The following MIS18BP1 variants were observed in gnomAD, a reference collection of about 807,000 sequenced individuals.
The protein encoded by MIS18BP1 is mis18-binding protein 1.
In MIS18BP1, 72 loss-of-function variants were observed where a neutral mutation model predicts 116.1. The ratio of observed to expected loss-of-function variants is 0.62; its 90% CI spans 0.51 to 0.75. MIS18BP1 has a LOEUF of 0.75. MIS18BP1 is among the 30% of genes least tolerant of loss of function. MIS18BP1 has a pLI of 0.00. For synonymous variants in MIS18BP1, 386 were observed against 427.0 expected, an observed-to-expected ratio of 0.90 and a Z score of 1.18; for missense variants, 1,363 against 1,303.2, an observed-to-expected ratio of 1.05 and a Z score of -0.71.
chr14:45,235,759 C>T, intron 6 of MIS18BP1, 55 bp downstream of exon 6: 1 of 1,466,058 alleles, frequency 6.8e-7, no homozygotes, highest in Admixed American at 2.3e-5. Context: ...CTGTGAGAAA[C>T]ATGGTTAACT....
intron 11 of MIS18BP1, among the ~76,000 whole-genome samples, chr14:45,222,524 G>A (rs1480121773): frequency 6.6e-6 from 1 of 152,194 alleles, no homozygotes; most frequent in Admixed American, 6.5e-5. Context: ...CAAGCTATAC[G>A]TTCAGTCTAC....
chr14:45,249,737 G>C (rs1322582184), intron 1 of MIS18BP1, among the ~76,000 whole-genome samples: 1 of 152,122 alleles, frequency 6.6e-6, no homozygotes, highest in Non-Finnish European at 1.5e-5. Flanking sequence ...CGGATGTGGT[G>C]GCACATGCCT....
intron 4 of MIS18BP1, 47 bp from the exon 5 acceptor site, chr14:45,237,768 C>T (rs1451834339): frequency 1.3e-6 from 2 of 1,538,728 alleles, no homozygotes; most frequent in East Asian, 2.4e-5. Context: ...TTACTTGCAG[C>T]ACAAGCATTA....
Position 45,227,733 on chromosome 14 carries a change from G to A in MIS18BP1, c.1676C>T (p.Thr559Ile). 1 of 1,613,712 alleles carries A rather than the reference G, an allele frequency of 6.2e-7. No homozygotes were observed. The highest frequency in any genetic ancestry group is 8.5e-7 in the Non-Finnish European group (1 of 1,179,682). ...MCHSNCQNKPTLRFPDDQVNN... is the reference protein window; with the variant it reads ...MCHSNCQNKPILRFPDDQVNN... ...TACTTGGTCATCTGGGAACCTTAAT[G>A]TTGGTTTATTTTGGCAATTACTGTG... The change falls in exon 9 of 17, where the codon ACA becomes ATA. Residue 559 changes from threonine (T) to isoleucine (I), a missense_variant. Physicochemically the swap from Thr to Ile is moderately conservative, Grantham distance 89. Coordinates refer to ENST00000310806, the MANE Select transcript of MIS18BP1 (RefSeq NM_018353.5).
chr14:45,236,136 A>C (rs957443299), intron 5 of MIS18BP1, among the ~76,000 whole-genome samples, 192 bp from the exon 6 acceptor site: 9 of 152,234 alleles, frequency 5.9e-5, no homozygotes, highest in African/African-American at 1.2e-4. Flanking sequence ...TACCAAAAAA[A>C]CTATACTGTG....
rs1432945709 is a variant in MIS18BP1 at position 45,237,787 on chromosome 14, A to G, written c.1144-66T>C. ...TTGCAGCACAAGCATTACAAAATTA[A>G]CTTACATTAAAAGAAAAAACTTGTC... On this transcript the variant is annotated intron_variant, in intron 4 of 16. Transcript: ENST00000310806. 4.0e-6 allele frequency: 6 copies of G among 1,515,480 alleles called. No individual in the cohort carries two copies. In the Admixed American group the frequency reaches 1.5e-4, roughly 39 times the overall value. 93.9% of individuals were successfully genotyped at this position (1,515,480 alleles called of 1,614,324 possible).
At chr14:45,247,460 C>T (rs1891754399) in intron 1 of MIS18BP1, 83 bp from the exon 2 acceptor site, 2 of 509,546 alleles carry the variant, frequency 3.9e-6, no homozygotes, top group South Asian at 6.7e-5. Flanking sequence ...CAACATTATA[C>T]TAATTAAAAT....
At chr14:45,226,370 G>A (rs1891122970) in intron 10 of MIS18BP1, among the ~76,000 whole-genome samples, 2 of 152,106 alleles carry the variant, frequency 1.3e-5, no homozygotes, top group African/African-American at 2.4e-5. Flanking sequence ...TCTAAATTAT[G>A]GCATGCAGGA....
Position 45,231,353 on chromosome 14 carries a change from CA to C in MIS18BP1, c.1437-56del, listed in dbSNP as rs549492998. On this transcript the variant is annotated intron_variant, in intron 7 of 16. Coordinates refer to ENST00000310806, the MANE Select transcript of MIS18BP1 (RefSeq NM_018353.5). ...AATACTGATTCTCAAAAAAACAAAA[CA>C]AAAAAAATCTTCATAAATAAATAAA... is the stretch of plus-strand genomic sequence containing the variant. The C allele has an allele frequency of 3.4e-4, 481 of 1,427,050 alleles. No individual in the cohort carries two copies. In the African/African-American group the frequency reaches 6.2e-3, roughly 18 times the overall value. 88.4% of individuals were successfully genotyped at this position (1,427,050 alleles called of 1,614,324 possible). A position where few individuals can be genotyped will look rare whatever the true frequency, so the allele number is the denominator to read the frequency against.
intron 13 of MIS18BP1, among the ~76,000 whole-genome samples, chr14:45,216,130 T>C (rs1176345474): frequency 6.6e-6 from 1 of 152,246 alleles, no homozygotes; most frequent in East Asian, 1.9e-4. Context: ...ACAGATTGTT[T>C]CCAGTTTTTT....
intron 1 of MIS18BP1, among the ~76,000 whole-genome samples, chr14:45,249,089 CTTAT>C (rs1281396801): frequency 1.4e-5 from 2 of 146,916 alleles, no homozygotes; most frequent in Admixed American, 6.8e-5. Context: ...TTTTTTTTTA[CTTAT>C]TTGTTTGTTT....
chr14:45,251,040 A>AAC (rs1171170658), intron 1 of MIS18BP1, among the ~76,000 whole-genome samples: 17 of 150,894 alleles, frequency 1.1e-4, no homozygotes, highest in African/African-American at 4.1e-4. Context: ...CTGCCTCAAA[A>AAC]AAAAAAAAAA....
intron 1 of MIS18BP1, among the ~76,000 whole-genome samples, chr14:45,249,060 T>C (rs1891798701): frequency 1.3e-5 from 2 of 151,056 alleles, no homozygotes; most frequent in South Asian, 2.1e-4. Flanking sequence ...TGTGTGCCAC[T>C]GCACCTCAGC....
At position 45,246,820 on chromosome 14, in the gene MIS18BP1, T is replaced by C. The variant is rs1309226179; in HGVS notation, c.467A>G (p.Lys156Arg). 6.3e-7 allele frequency: 1 copy of C among 1,594,346 alleles called. No homozygotes were observed. Among genetic ancestry groups the C allele is most frequent in the Admixed American group, 1.8e-5 (1 of 54,168 alleles). Residue 156 changes from lysine to arginine, a missense_variant, in exon 2 of 17, where the codon AAA becomes AGA. Transcript: ENST00000310806. The stretch of plus-strand genomic sequence containing the variant: ...ACATAGGTAGGTATGCTGCAATTTT[T>C]TTTTTTCAACTCTGTTAGGAGTGAA... ...ETFTPNRVEKKKLQHTYLCEE... is the reference protein window; with the variant it reads ...ETFTPNRVEKRKLQHTYLCEE...
chr14:45,251,654 A>G (rs1450798011), intron 1 of MIS18BP1, among the ~76,000 whole-genome samples: 1 of 152,238 alleles, frequency 6.6e-6, no homozygotes, highest in African/African-American at 2.4e-5. Context: ...AGCACATATG[A>G]CAAAGGGCTA....
At chr14:45,212,231 G>A (rs1890693711) in intron 13 of MIS18BP1, among the ~76,000 whole-genome samples, 1 of 152,006 alleles carries the variant, frequency 6.6e-6, no homozygotes. Context: ...TGTGTGTATG[G>A]GCCCTAATCT....
chr14:45,217,538 A>G (rs901847579), intron 12 of MIS18BP1, among the ~76,000 whole-genome samples: 5 of 152,200 alleles, frequency 3.3e-5, no homozygotes, highest in Admixed American at 1.3e-4. Flanking sequence ...TTTGTGCAAT[A>G]TGATTAGCCC....
At chr14:45,216,795 C>G (rs777286162) in intron 13 of MIS18BP1, among the ~76,000 whole-genome samples, 1 of 152,308 alleles carries the variant, frequency 6.6e-6, no homozygotes, top group South Asian at 2.1e-4. Context: ...GTTTACTTTA[C>G]TGTTTGGTTC....
chr14:45,235,258 C>T (rs1414748849), intron 6 of MIS18BP1, among the ~76,000 whole-genome samples: 3 of 150,128 alleles, frequency 2.0e-5, no homozygotes, highest in East Asian at 2.0e-4. Flanking sequence ...GTATCCATTC[C>T]CTGGGGGCAT....
Sources: allele counts gnomAD v4.1 joint callset (sites outside exome capture counted in the v4.1 genomes callset), GRCh38; gene constraint gnomAD v4.1.1; transcripts MANE v1.5; gene names NCBI Gene and HGNC (gene_info 2026-07-23, HGNC 2026-07-21).